TNRC18: variants seen among roughly 807,000 people sequenced by gnomAD.
The protein encoded by TNRC18 is trinucleotide repeat-containing gene 18 protein.
In TNRC18, 69 loss-of-function variants were observed where a neutral mutation model predicts 226.7. The ratio of observed to expected loss-of-function variants is 0.30; its 90% CI spans 0.25 to 0.37. The LOEUF (loss-of-function observed/expected upper bound fraction) is 0.37, where lower values mean the gene tolerates loss of function less well. Ranked by LOEUF, TNRC18 falls within the 10% of genes least tolerant of loss-of-function variation. The pLI is 1.00. For synonymous variants in TNRC18, 2,449 were observed against 1,927.6 expected, an observed-to-expected ratio of 1.27 and a Z score of -7.09; for missense variants, 4,754 against 4,256.6, an observed-to-expected ratio of 1.12 and a Z score of -3.25.
intron 19 of TNRC18, among the ~76,000 whole-genome samples, chr7:5,326,995 A>G (rs964682332): frequency 5.3e-5 from 8 of 151,722 alleles, no homozygotes; most frequent in Admixed American, 1.3e-4. Flanking sequence ...ATGGTGGCAC[A>G]CGCCTGTAGT....
At position 5,333,037 on chromosome 7, in the gene TNRC18, T is replaced by C; in HGVS notation, c.5732A>G (p.Glu1911Gly). The change falls in exon 19 of 30, where the codon GAG becomes GGG. Residue 1911 changes from glutamate to glycine, a missense_variant. By Grantham distance (98) the Glu-to-Gly change is moderately conservative. Transcript: ENST00000430969. ...GACCTCGCTCTCTGAGTCGGTGTAC[T>C]CGAACTCTGTGCCTGAACGCGGGAG... ...ERQSLLGTEFEYTDSESEVKV... is the reference protein window; with the variant it reads ...ERQSLLGTEFGYTDSESEVKV... 1.3e-6 allele frequency: 2 copies of C among 1,576,106 alleles called. No homozygotes were observed. The highest frequency in any genetic ancestry group is 1.7e-6 in the Non-Finnish European group (2 of 1,169,190).
At chr7:5,403,596 G>A (rs1781260199) in intron 2 of TNRC18, among the ~76,000 whole-genome samples, 1 of 152,076 alleles carries the variant, frequency 6.6e-6, no homozygotes, top group Non-Finnish European at 1.5e-5. Context: ...TTCAAGACCA[G>A]CCTGGGCAAC....
At chr7:5,404,231 T>G (rs1272764255) in intron 2 of TNRC18, among the ~76,000 whole-genome samples, 1 of 151,980 alleles carries the variant, frequency 6.6e-6, no homozygotes, top group African/African-American at 2.4e-5. Flanking sequence ...CTTAGGTGGG[T>G]GTGGTGGCAC....
intron 26 of TNRC18, among the ~76,000 whole-genome samples, chr7:5,314,714 A>C (rs1225277068): frequency 6.6e-6 from 1 of 151,960 alleles, no homozygotes; most frequent in Non-Finnish European, 1.5e-5. Flanking sequence ...TTGGGATTAC[A>C]GGCACTCACC....
chr7:5,396,996 C>T (rs144964548), intron 2 of TNRC18, among the ~76,000 whole-genome samples: 6 of 152,212 alleles, frequency 3.9e-5, no homozygotes, highest in Non-Finnish European at 8.8e-5. Context: ...AGGGCAGGGC[C>T]TCCACCTTGG....
chr7:5,373,244 A>T (rs1794327933), intron 10 of TNRC18, among the ~76,000 whole-genome samples: 1 of 152,174 alleles, frequency 6.6e-6, no homozygotes, highest in Non-Finnish European at 1.5e-5. Flanking sequence ...GGATCGCTCG[A>T]GTCCAGGTGT....
At chr7:5,333,735 C>A (rs376777422) in intron 18 of TNRC18, among the ~76,000 whole-genome samples, 2 of 152,312 alleles carry the variant, frequency 1.3e-5, no homozygotes, top group African/African-American at 4.8e-5. Flanking sequence ...CTCTGCCATC[C>A]CCTATGCACA....
chr7:5,333,017 C>T lies in TNRC18; in HGVS notation c.5752G>A (p.Glu1918Lys). 1 of 1,579,608 alleles carries T rather than the reference C, an allele frequency of 6.3e-7. No homozygotes were observed. Among genetic ancestry groups the T allele is most frequent in the Non-Finnish European group, 8.5e-7 (1 of 1,171,118 alleles). The stretch of plus-strand genomic sequence containing the variant: ...GGCGACCGCTTGCGCACCTTGACCT[C>T]GCTCTCTGAGTCGGTGTACTCGAAC... ...TEFEYTDSESEVKVRKRSPAG... is the reference protein window; with the variant it reads ...TEFEYTDSESKVKVRKRSPAG... The change falls in exon 19 of 30, where the codon GAG becomes AAG. Residue 1918 changes from glutamate to lysine, a missense_variant. Coordinates refer to ENST00000430969, the MANE Select transcript of TNRC18 (RefSeq NM_001080495.3).
rs780905345 is a variant in TNRC18 at position 5,312,852 on chromosome 7, C to T, written c.8039G>A (p.Ser2680Asn). 2.6e-6 allele frequency: 4 copies of T among 1,525,000 alleles called. No homozygotes were observed. The African/African-American group carries it at 5.5e-5, about 21-fold the overall frequency. 94.5% of individuals were successfully genotyped at this position (1,525,000 alleles called of 1,614,324 possible). A position where few individuals can be genotyped will look rare whatever the true frequency, so the allele number is the denominator to read the frequency against. Residue 2680 changes from serine to asparagine, a missense_variant, in exon 27 of 30, where the codon AGC becomes AAC. Physicochemically the swap from Ser to Asn is conservative, Grantham distance 46. Coordinates refer to ENST00000430969, the MANE Select transcript of TNRC18 (RefSeq NM_001080495.3). This position sits in a 1 kb window ranked among gnomAD's most constrained non-coding sequence, Gnocchi z 6.3. ...SSTTDEDSSC[S>N]SDDEAAPAPT... ...GGCGGGGGCTGCCTCATCGTCCGAG[C>T]TGCAGGAAGAGTCCTCGTCTGTGGT...
intron 11 of TNRC18, among the ~76,000 whole-genome samples, chr7:5,370,088 GC>G (rs1348808365): frequency 2.6e-5 from 4 of 152,112 alleles, no homozygotes; most frequent in African/African-American, 9.7e-5. Flanking sequence ...GTCAAGGTGG[GC>G]AAAATCACTT....
At chr7:5,317,751 G>A (rs1204346267) in intron 24 of TNRC18, among the ~76,000 whole-genome samples, 2 of 151,034 alleles carry the variant, frequency 1.3e-5, no homozygotes, top group African/African-American at 4.9e-5. Context: ...TGTCACCCAG[G>A]CTGGAATGCA....
rs947181353 is a variant in TNRC18 at position 5,312,402 on chromosome 7, G to C, written c.8388+101C>G. 4 of 1,469,924 alleles carry C rather than the reference G, an allele frequency of 2.7e-6. No individual in the cohort carries two copies. The highest frequency in any genetic ancestry group is 3.6e-6 in the Non-Finnish European group (4 of 1,114,428). 91.1% of individuals were successfully genotyped at this position (1,469,924 alleles called of 1,614,324 possible). A position where few individuals can be genotyped will look rare whatever the true frequency, so the allele number is the denominator to read the frequency against. ...GCCAGCCCTCCACCCTGGGGTTCTG[G>C]GAGGTTACCACACACGGAGACACAG... On this transcript the variant is annotated intron_variant, in intron 27 of 29. Coordinates refer to ENST00000430969, the MANE Select transcript of TNRC18 (RefSeq NM_001080495.3). This position sits in a 1 kb window ranked among gnomAD's most constrained non-coding sequence, Gnocchi z 6.3.
At chr7:5,385,982 CA>C (rs1160231238) in intron 5 of TNRC18, among the ~76,000 whole-genome samples, 452 of 41,500 alleles carry the variant, frequency 0.011, 1 homozygote, top group African/African-American at 0.032. Context: ...AAGTCTGTCT[CA>C]AAAAAAAAAA....
At chr7:5,422,797 T>C (rs1485379046) in intron 1 of TNRC18, 3 of 152,292 alleles carry the variant, frequency 2.0e-5, no homozygotes, top group Non-Finnish European at 4.4e-5. Flanking sequence ...CATCAGGCTC[T>C]GGTTACCAGA....
chr7:5,352,143 G>T, intron 16 of TNRC18, 49 bp from the exon 17 acceptor site: 2 of 1,522,888 alleles, frequency 1.3e-6, no homozygotes, highest in Non-Finnish European at 1.8e-6. Flanking sequence ...GGCAGCAGGA[G>T]CTGGTGTCAT....
At chr7:5,331,481 C>A (rs1419758383) in intron 19 of TNRC18, among the ~76,000 whole-genome samples, 2 of 152,194 alleles carry the variant, frequency 1.3e-5, no homozygotes, top group Admixed American at 1.3e-4. Flanking sequence ...ATGGGGTTTT[C>A]CTTCAGGTGA....
chr7:5,345,779 C>A lies in TNRC18; in HGVS notation c.5502G>T (p.Glu1834Asp), dbSNP rs1229739492. 6.5e-7 allele frequency: 1 copy of A among 1,546,012 alleles called. No homozygotes were observed. The highest frequency in any genetic ancestry group is 1.7e-4 in the Middle Eastern group (1 of 5,988). Residue 1834 changes from glutamate (E) to aspartate (D), a missense_variant, in exon 18 of 30, where the codon GAG becomes GAT. By Grantham distance (45) the Glu-to-Asp change is conservative. Coordinates refer to ENST00000430969, the MANE Select transcript of TNRC18 (RefSeq NM_001080495.3). The part of the protein sequence containing the change: ...DESSEEEDEE[E>D]ELEEEDEASG... ...TGGCCTCGTCCTCCTCCTCGAGCTCCTCCTCCTCGTCCTCCTCCTCCGAGC... is the reference window on the plus strand; with the variant it reads ...TGGCCTCGTCCTCCTCCTCGAGCTCATCCTCCTCGTCCTCCTCCTCCGAGC...
intron 2 of TNRC18, among the ~76,000 whole-genome samples, chr7:5,406,263 G>A (rs1053462293): frequency 2.0e-5 from 3 of 152,074 alleles, no homozygotes; most frequent in African/African-American, 7.2e-5. Context: ...AGGAGTTGGA[G>A]ACCAGCCTGA....
In TNRC18 at chr7:5,309,506, C is replaced by T; in HGVS notation, c.8389-138G>A. On this transcript the variant is annotated intron_variant, in intron 27 of 29. Transcript: ENST00000430969. This position sits in a 1 kb window ranked among gnomAD's most constrained non-coding sequence, Gnocchi z 5.7. ...ATCCAACTGTGGGGAGATGAGGAAG[C>T]TCCTTGTCTCGCTTCAAGTGGGGAA... 2 of 710,254 alleles carry T rather than the reference C, an allele frequency of 2.8e-6. No homozygotes were observed. The highest frequency in any genetic ancestry group is 2.9e-5 in the Admixed American group (1 of 34,160). 44.0% of individuals were successfully genotyped at this position (710,254 alleles called of 1,614,324 possible).
Sources: gnomAD v4.1 joint callset for allele counts (sites outside exome capture counted in the v4.1 genomes callset) on GRCh38, gnomAD v4.1.1 for gene constraint, Gnocchi (gnomAD v3.1) non-coding constraint, MANE v1.5 for transcripts, NCBI Gene and HGNC (gene_info 2026-07-23, HGNC 2026-07-21) for gene names.